Variants in EVC2 observed in about 807,000 individuals in gnomAD.
EVC2 encodes EvC ciliary complex subunit 2.
In EVC2, 148 loss-of-function variants were observed where a neutral mutation model predicts 149.3. The observed-to-expected ratio is 0.99, with a 90% CI of 0.87 to 1.14. The LOEUF is 1.14. EVC2 is among the 50% of genes most tolerant of loss of function. The pLI, the probability that EVC2 is intolerant of heterozygous loss-of-function variation, is 0.00. For synonymous variants in EVC2, 776 were observed against 649.9 expected (o/e 1.19, Z -2.95); for missense variants, 1,854 against 1,627.3 (o/e 1.14, Z -2.40).
At chr4:5,697,728 A>C (rs1721571792) in intron 1 of EVC2, 81 bp from the exon 2 acceptor site, 1 of 1,299,134 alleles carries the variant, frequency 7.7e-7, no homozygotes, top group Non-Finnish European at 1.1e-6. Context: ...TAAATGACTC[A>C]CATGGAGAGG....
At chr4:5,612,163 T>C (rs757387075) in intron 16 of EVC2, among the ~76,000 whole-genome samples, 8 of 152,214 alleles carry the variant, frequency 5.3e-5, no homozygotes, top group Non-Finnish European at 8.8e-5. Flanking sequence ...AAACTAGCCT[T>C]GTGTAGAAAA....
Position 5,679,630 on chromosome 4 carries a change from T to C in EVC2, c.870+1630A>G, listed in dbSNP as rs1720212732. Among the ~76,000 whole-genome samples, 1 of 152,190 alleles carries C rather than the reference T, an allele frequency of 6.6e-6. No homozygotes were observed. On this transcript the variant is annotated intron_variant, in intron 7 of 21. Transcript: ENST00000344408. This position sits in a 1 kb window ranked among gnomAD's most constrained non-coding sequence, Gnocchi z 5.1. ...TAATTTTTTATTTTTTATTTTATTT[T>C]ATTTTACTTTAAGTTCTGGGATACA...
Position 5,670,638 on chromosome 4 carries a change from CATT to C in EVC2, c.871-4992_871-4990del, listed in dbSNP as rs773067883. 1.4e-4 allele frequency among the ~76,000 whole-genome samples: 21 copies of C among 151,948 alleles called. No homozygotes were observed. Among genetic ancestry groups the C allele is most frequent in the Non-Finnish European group, 2.5e-4 (17 of 67,990 alleles). On this transcript the variant is annotated intron_variant, in intron 7 of 21. Transcript: ENST00000344408. This position sits in a 1 kb window ranked among gnomAD's most constrained non-coding sequence, Gnocchi z 5.2. ...TCTTCACCATCACCATCACTACCAT[CATT>C]GTCAACATTATCAATATGCCAATCA...
At chr4:5,609,291 T>C (rs1173363361) in intron 16 of EVC2, among the ~76,000 whole-genome samples, 1 of 152,222 alleles carries the variant, frequency 6.6e-6, no homozygotes, top group Admixed American at 6.5e-5. Flanking sequence ...AAGCAACTCT[T>C]AGTTGTGGGC....
In EVC2 at chr4:5,701,670, T is replaced by C. The variant is rs535166709; in HGVS notation, c.229-4023A>G. Reference sequence around the variant, plus strand: ...TACACTGACTATTCCCCCATGTAAATCTCTAGTTCATATTTCTCCCCTCAA... The same window carrying C: ...TACACTGACTATTCCCCCATGTAAACCTCTAGTTCATATTTCTCCCCTCAA... On this transcript the variant is annotated intron_variant, in intron 1 of 21. Coordinates refer to ENST00000344408, the MANE Select transcript of EVC2 (RefSeq NM_147127.5). 4.6e-5 allele frequency among the ~76,000 whole-genome samples: 7 copies of C among 152,192 alleles called. No individual in the cohort carries two copies. The South Asian group carries it at 1.4e-3, about 32-fold the overall frequency.
chr4:5,534,098 C>G, the EVC2 span, among the ~76,000 whole-genome samples: 2 of 151,902 alleles, frequency 1.3e-5, no homozygotes, highest in Admixed American at 1.3e-4. Flanking sequence ...GAGTGATTTA[C>G]ATTTTTAAAA....
In EVC2 at chr4:5,633,726, T is replaced by C. The variant is rs1468558010; in HGVS notation, c.1471-1694A>G. ...GAAGCCCGAGGAAGGCAGAAGGGGC[T>C]CCGGTGCACAGGGCAAAGGCCAGAG... On this transcript the variant is annotated intron_variant, in intron 10 of 21. Coordinates refer to ENST00000344408, the MANE Select transcript of EVC2 (RefSeq NM_147127.5). The surrounding 1 kb of genome is among the most constrained non-coding windows in gnomAD (Gnocchi z 4.4). Among the ~76,000 whole-genome samples the C allele has an allele frequency of 6.6e-6, 1 of 152,210 alleles. No individual in the cohort carries two copies. The highest frequency in any genetic ancestry group is 2.4e-5 in the African/African-American group (1 of 41,458).
At chr4:5,667,670 G>A (rs979908413) in intron 7 of EVC2, among the ~76,000 whole-genome samples, 3 of 152,136 alleles carry the variant, frequency 2.0e-5, no homozygotes, top group African/African-American at 4.8e-5. Flanking sequence ...AGACTCCAGC[G>A]GAGTCACAAA....
intron 7 of EVC2, among the ~76,000 whole-genome samples, chr4:5,674,326 T>A (rs1450418271): frequency 1.3e-5 from 2 of 152,196 alleles, no homozygotes; most frequent in Non-Finnish European, 2.9e-5. Flanking sequence ...ACAGCATGAT[T>A]CTGACTGCAA....
At chr4:5,610,431 A>T (rs1714723995) in intron 16 of EVC2, among the ~76,000 whole-genome samples, 1 of 152,142 alleles carries the variant, frequency 6.6e-6, no homozygotes, top group Non-Finnish European at 1.5e-5. Flanking sequence ...ACGAAATCTA[A>T]ATCACCCTTG....
At chr4:5,531,009 G>C in the EVC2 span, among the ~76,000 whole-genome samples, 1 of 152,056 alleles carries the variant, frequency 6.6e-6, no homozygotes, top group African/African-American at 2.4e-5. Flanking sequence ...AGCACTCATG[G>C]GCACAAATGC....
chr4:5,570,457 C>G (rs1301900767), intron 19 of EVC2, among the ~76,000 whole-genome samples: 2 of 152,194 alleles, frequency 1.3e-5, no homozygotes, highest in African/African-American at 2.4e-5. Flanking sequence ...AAAGCATTCA[C>G]ATGGGTCAAG....
At chr4:5,646,772 T>C (rs898453202) in intron 9 of EVC2, among the ~76,000 whole-genome samples, 1 of 152,212 alleles carries the variant, frequency 6.6e-6, no homozygotes, top group Non-Finnish European at 1.5e-5. Flanking sequence ...TGAGCTTTAG[T>C]TAACTCTTAC....
Position 5,614,836 on chromosome 4 carries a change from GT to G in EVC2, c.2829+585del, listed in dbSNP as rs1715116479. ...CTACTAAAAATACAAAAATTAGCAGGTGTGATGGTGGGTGCCTGTAATCCCA... is the reference window on the plus strand; with the variant it reads ...CTACTAAAAATACAAAAATTAGCAGGGTGATGGTGGGTGCCTGTAATCCCA... On this transcript the variant is annotated intron_variant, in intron 16 of 21. Transcript: ENST00000344408. The surrounding 1 kb of genome is among the most constrained non-coding windows in gnomAD (Gnocchi z 4.7). Among the ~76,000 whole-genome samples, 1 of 151,824 alleles carries G rather than the reference GT, an allele frequency of 6.6e-6. No individual in the cohort carries two copies. The highest frequency in any genetic ancestry group is 2.4e-5 in the African/African-American group (1 of 41,304).
Position 5,706,361 on chromosome 4 carries a change from G to C in EVC2, c.228+1925C>G, listed in dbSNP as rs370180623. ...AGATACATAGATAGATAGACACATA[G>C]ATAGATACATAGATAGATACATAGA... On this transcript the variant is annotated intron_variant, in intron 1 of 21. Transcript: ENST00000344408. Among the ~76,000 whole-genome samples, 262 of 73,538 alleles carry C rather than the reference G, an allele frequency of 3.6e-3. 78 individuals are homozygous for C. Among genetic ancestry groups the C allele is most frequent in the African/African-American group, 0.019 (246 of 13,278 alleles). 48.2% of individuals were successfully genotyped at this position (73,538 alleles called of 152,430 possible).
chr4:5,582,295 C>G (rs1432873801), intron 17 of EVC2, among the ~76,000 whole-genome samples: 1 of 152,244 alleles, frequency 6.6e-6, no homozygotes, highest in South Asian at 2.1e-4. Context: ...TCCAAAGTCA[C>G]AGGGGCTGAG....
intron 9 of EVC2, among the ~76,000 whole-genome samples, chr4:5,648,429 T>A (rs548559880): frequency 6.6e-6 from 1 of 152,176 alleles, no homozygotes; most frequent in Non-Finnish European, 1.5e-5. Flanking sequence ...GCTGCTTGTG[T>A]TGGGAAAATG....
At chr4:5,594,197 C>G (rs1017285952) in intron 16 of EVC2, among the ~76,000 whole-genome samples, 2 of 152,186 alleles carry the variant, frequency 1.3e-5, no homozygotes. Flanking sequence ...ATGTCCCTGT[C>G]TGACAGCTTT....
At chr4:5,556,072 G>A (rs1176487071) in intron 21 of EVC2, among the ~76,000 whole-genome samples, 1 of 150,282 alleles carries the variant, frequency 6.7e-6, no homozygotes, top group Non-Finnish European at 1.5e-5. Context: ...CCAGCTGCTT[G>A]GGAGGCTGAG....
Sources: allele counts gnomAD v4.1 joint callset (sites outside exome capture counted in the v4.1 genomes callset), GRCh38; gene constraint gnomAD v4.1.1; non-coding constraint Gnocchi (gnomAD v3.1); transcripts MANE v1.5; gene names NCBI Gene and HGNC (gene_info 2026-07-23, HGNC 2026-07-21).